Variants in CACNG7 observed in about 807,000 individuals in gnomAD.
The protein encoded by CACNG7 is calcium voltage-gated channel auxiliary subunit gamma 7, also known as voltage-dependent calcium channel gamma-7 subunit.
A neutral mutation model predicts 26.3 loss-of-function variants in CACNG7; 9 were observed. The observed-to-expected ratio is 0.34, with a 90% CI of 0.21 to 0.60. The LOEUF (loss-of-function observed/expected upper bound fraction) is 0.60, where lower values mean the gene tolerates loss of function less well. Among genes scored for constraint, CACNG7 ranks in the 20% least tolerant of loss-of-function variants. CACNG7 has a pLI of 0.81. For synonymous variants in CACNG7, 170 were observed against 157.0 expected (o/e 1.08, Z -0.62); for missense variants, 297 against 380.4 (o/e 0.78, Z 1.82).
intron 5 of CACNG7, 103 bp downstream of exon 5, chr19:53,941,718 T>C (rs7260411): frequency 7.1e-7 from 1 of 1,400,040 alleles, no homozygotes; most frequent in South Asian, 1.3e-5. Flanking sequence ...ATGCAGACTC[T>C]GGCGTCAGAG....
Position 53,939,005 on chromosome 19 carries a change from C to T in CACNG7, c.425-2465C>T, listed in dbSNP as rs897774497. Among the ~76,000 whole-genome samples the T allele has an allele frequency of 2.6e-5, 4 of 151,296 alleles. No homozygotes were observed. Among genetic ancestry groups the T allele is most frequent in the Non-Finnish European group, 5.9e-5 (4 of 67,886 alleles). On this transcript the variant is annotated intron_variant, in intron 4 of 5. Transcript: ENST00000391767. The surrounding 1 kb of genome is among the most constrained non-coding windows in gnomAD (Gnocchi z 4.2). ...GGTGTGGTGGCTCACACCTGTAATC[C>T]CAGCACTTTGGGAGGCCAAGGTGGG...
At chr19:53,920,976 G>C (rs1441879955) in intron 4 of CACNG7, among the ~76,000 whole-genome samples, 2 of 92,540 alleles carry the variant, frequency 2.2e-5, no homozygotes, top group African/African-American at 1.2e-4. Flanking sequence ...CCCCAGGCTG[G>C]TCATTGGTGG....
At chr19:53,922,711 A>G (rs1599979834) in intron 4 of CACNG7, among the ~76,000 whole-genome samples, 1 of 59,300 alleles carries the variant, frequency 1.7e-5, no homozygotes, top group Non-Finnish European at 2.7e-5. Flanking sequence ...TCATTGGTGG[A>G]GTTGCCCCAG....
At chr19:53,924,305 G>GGCCTGGTCATTGGTGGAC (rs2069001329) in intron 4 of CACNG7, among the ~76,000 whole-genome samples, 1 of 135,238 alleles carries the variant, frequency 7.4e-6, no homozygotes, top group African/African-American at 3.1e-5. Context: ...CATTGGTGGA[G>GGCCTGGTCATTGGTGGAC]TTGCCCCAGG....
Position 53,942,597 on chromosome 19 carries a change from C to CCGA in CACNG7, c.*304_*305insCGA. The CCGA allele has an allele frequency of 7.9e-7, 1 of 1,269,440 alleles. No homozygotes were observed. The highest frequency in any genetic ancestry group is 1.0e-6 in the Non-Finnish European group (1 of 1,002,456). The allele number at this position is 1,269,440 out of a possible 1,614,324, so 78.6% of individuals were successfully genotyped here. On this transcript the variant is annotated 3_prime_UTR_variant, in exon 6 of 6. Transcript: ENST00000391767. This position sits in a 1 kb window ranked among gnomAD's most constrained non-coding sequence, Gnocchi z 5.9. ...TCTCCAAGAAAATTAGCTCCTCCCT[C>CCGA]GTTCTCCACCTGCTCTGAGCTGGGA...
intron 4 of CACNG7, among the ~76,000 whole-genome samples, chr19:53,919,911 AT>A (rs1416119809): frequency 1.5e-4 from 17 of 116,074 alleles, no homozygotes; most frequent in African/African-American, 5.1e-4. Flanking sequence ...CAGGCTGGTC[AT>A]TGGTGGAGTT....
In CACNG7 at chr19:53,941,547, G is replaced by A; in HGVS notation, c.502G>A (p.Glu168Lys). The change falls in exon 5 of 6, where the codon GAG becomes AAG. Residue 168 changes from glutamate to lysine, a missense_variant. Transcript: ENST00000391767. ...GGTCATGAACAGGCCCAGCAGCTCT[G>A]AGCAGTATTTTCATTATCGCTACGG... Reference protein sequence around the residue: ...DEVMNRPSSSEQYFHYRYGWS... With the variant: ...DEVMNRPSSSKQYFHYRYGWS... 1 of 1,608,676 alleles carries A rather than the reference G, an allele frequency of 6.2e-7. No individual in the cohort carries two copies. Among genetic ancestry groups the A allele is most frequent in the South Asian group, 1.1e-5 (1 of 90,454 alleles).
At chr19:53,941,773 G>T in intron 5 of CACNG7, 158 bp downstream of exon 5, 1 of 992,914 alleles carries the variant, frequency 1.0e-6, no homozygotes, top group Non-Finnish European at 1.5e-6. Flanking sequence ...TGGAGGAAGA[G>T]GGGTCTGAGA....
chr19:53,921,286 C>CCCAGGTCTGG (rs1170335581), intron 4 of CACNG7, among the ~76,000 whole-genome samples: 6 of 138,446 alleles, frequency 4.3e-5, no homozygotes, highest in African/African-American at 1.6e-4. Flanking sequence ...GTGGAGTTGC[C>CCCAGGTCTGG]TCAGGTCTGG....
chr19:53,922,361 G>A (rs141753049), intron 4 of CACNG7, among the ~76,000 whole-genome samples: 5 of 101,792 alleles, frequency 4.9e-5, no homozygotes, highest in Non-Finnish European at 6.4e-5. Flanking sequence ...CATTGGTGGA[G>A]TTGTCCCCAG....
chr19:53,925,741 G>A (rs1390419079), intron 4 of CACNG7, among the ~76,000 whole-genome samples: 1 of 152,362 alleles, frequency 6.6e-6, no homozygotes, highest in East Asian at 1.9e-4. Context: ...GGACTAGAGG[G>A]AAAGAGACTG....
chr19:53,938,321 C>G (rs925242199), intron 4 of CACNG7, among the ~76,000 whole-genome samples: 6 of 151,852 alleles, frequency 4.0e-5, no homozygotes, highest in African/African-American at 1.5e-4. Flanking sequence ...GCACTCCTGC[C>G]TGGACAACAG....
chr19:53,911,098 A>G (rs2068859282), intron 1 of CACNG7, among the ~76,000 whole-genome samples: 1 of 148,912 alleles, frequency 6.7e-6, no homozygotes, highest in Admixed American at 6.7e-5. Flanking sequence ...ATGGAGTCTC[A>G]CTCTGTCACC....
chr19:53,929,111 CAAAAAAAAAACAAAAAA>C (rs2069053928), intron 4 of CACNG7, among the ~76,000 whole-genome samples: 1 of 36,460 alleles, frequency 2.7e-5, no homozygotes, highest in Non-Finnish European at 4.9e-5. Flanking sequence ...GACTCCACCT[CAAAAAAAAAACAAAAAA>C]AAAAAAAAAA....
intron 4 of CACNG7, among the ~76,000 whole-genome samples, chr19:53,938,852 G>A (rs1299618780): frequency 6.6e-6 from 1 of 152,118 alleles, no homozygotes; most frequent in Middle Eastern, 3.2e-3. Flanking sequence ...GGAGGCTGAG[G>A]TGGGAGGATC....
intron 4 of CACNG7, among the ~76,000 whole-genome samples, chr19:53,921,330 G>C (rs1254399744): frequency 7.1e-5 from 10 of 141,228 alleles, no homozygotes; most frequent in Non-Finnish European, 1.4e-4. Context: ...CTGGTCATTG[G>C]TGGACTTGCC....
chr19:53,914,491 TC>T lies in CACNG7; in HGVS notation c.197-3del, dbSNP rs747312506. 3.7e-6 allele frequency: 6 copies of T among 1,612,970 alleles called. No individual in the cohort carries two copies. Among genetic ancestry groups the T allele is most frequent in the Non-Finnish European group, 5.1e-6 (6 of 1,179,324 alleles). On this transcript the variant is annotated splice_region_variant and splice_polypyrimidine_tract_variant and intron_variant, in intron 2 of 5. Coordinates refer to ENST00000391767, the MANE Select transcript of CACNG7 (RefSeq NM_031896.5). The stretch of plus-strand genomic sequence containing the variant: ...CTCATCCAGCCCTGTCTGTTTCTCT[TC>T]CCCCCAGGTCGGGAGAAAGGTCGCT...
At chr19:53,920,330 G>A (rs2068932992) in intron 4 of CACNG7, among the ~76,000 whole-genome samples, 1 of 114,128 alleles carries the variant, frequency 8.8e-6, no homozygotes. Flanking sequence ...GTTGCCCCAG[G>A]TCTGGTCATT....
In CACNG7 at chr19:53,915,459, G is replaced by A; in HGVS notation, c.378G>A (p.Gln126=). Residue 126 remains glutamine (Q), a synonymous_variant, in exon 4 of 6, where the codon CAG becomes CAA. Transcript: ENST00000391767. ...GCAACATCGGCCACATCCGCCCGCA[G>A]AGGACCATTCTGGCTTTTGTCTCTG... The part of the protein sequence containing the change: ...VISNIGHIRP[Q]RTILAFVSGI... 1.2e-6 allele frequency: 2 copies of A among 1,614,166 alleles called. No homozygotes were observed. The highest frequency in any genetic ancestry group is 1.1e-5 in the South Asian group (1 of 91,082).
Sources: allele counts gnomAD v4.1 joint callset (sites outside exome capture counted in the v4.1 genomes callset), GRCh38; gene constraint gnomAD v4.1.1; non-coding constraint Gnocchi (gnomAD v3.1); transcripts MANE v1.5; gene names NCBI Gene and HGNC (gene_info 2026-07-23, HGNC 2026-07-21).